NREP: variants seen among roughly 807,000 people sequenced by gnomAD.
NREP encodes the protein neuronal regeneration-related protein.
In NREP, 5 loss-of-function variants were observed where a neutral mutation model predicts 8.6. The observed-to-expected ratio is 0.58, with a 90% CI of 0.30 to 1.22. NREP has a LOEUF of 1.22. Among genes scored for constraint, NREP ranks in the 50% most tolerant of loss-of-function variants. NREP has a pLI of 0.07. For missense variants in NREP, 86 were observed against 82.5 expected (o/e 1.04, Z -0.17); for synonymous variants, 27 against 28.0 (o/e 0.96, Z 0.11).
chr5:111,829,424 T>C (rs1752709286), intron 2 of NREP, among the ~76,000 whole-genome samples: 1 of 152,188 alleles, frequency 6.6e-6, no homozygotes, highest in Admixed American at 6.5e-5. Flanking sequence ...CATAAACATG[T>C]TTCTGCAAGA....
intron 2 of NREP, among the ~76,000 whole-genome samples, chr5:111,849,469 T>G (rs1753258131): frequency 6.6e-6 from 1 of 152,142 alleles, no homozygotes; most frequent in Non-Finnish European, 1.5e-5. Flanking sequence ...TTAAAAGCAC[T>G]GAGGAGCCAA....
intron 2 of NREP, among the ~76,000 whole-genome samples, chr5:111,893,510 A>C (rs1340183913): frequency 6.6e-6 from 1 of 151,826 alleles, no homozygotes; most frequent in Non-Finnish European, 1.5e-5. Flanking sequence ...TTCCAAGCCA[A>C]ATAAAACTAT....
intron 2 of NREP, among the ~76,000 whole-genome samples, chr5:111,923,158 G>A (rs1755293016): frequency 6.6e-6 from 1 of 152,178 alleles, no homozygotes; most frequent in Non-Finnish European, 1.5e-5. Flanking sequence ...TGGTATAAAT[G>A]TTAGCTGTTT....
At chr5:111,753,327 A>AC (rs1750484992) in intron 2 of NREP, among the ~76,000 whole-genome samples, 2 of 43,212 alleles carry the variant, frequency 4.6e-5, no homozygotes, top group Middle Eastern at 0.013. Flanking sequence ...GCACAAGTTG[A>AC]TTTTATATAT....
chr5:111,880,826 TC>T (rs1754038027), intron 2 of NREP, among the ~76,000 whole-genome samples: 1 of 134,642 alleles, frequency 7.4e-6, no homozygotes, highest in Non-Finnish European at 1.5e-5. Flanking sequence ...AGCCTCAACA[TC>T]CCAGGCTCAT....
intron 2 of NREP, among the ~76,000 whole-genome samples, chr5:111,767,468 C>T (rs953841849): frequency 6.6e-5 from 10 of 152,168 alleles, no homozygotes; most frequent in African/African-American, 2.2e-4. Flanking sequence ...CCACAAGCAT[C>T]ATAAACTCAG....
chr5:111,889,830 G>A (rs1754351380), intron 2 of NREP, among the ~76,000 whole-genome samples: 1 of 152,066 alleles, frequency 6.6e-6, no homozygotes, highest in East Asian at 1.9e-4. Context: ...CATAGGATTT[G>A]GGTAGGTAGT....
intron 2 of NREP, among the ~76,000 whole-genome samples, chr5:111,901,969 C>G (rs942973437): frequency 6.6e-6 from 1 of 151,974 alleles, no homozygotes; most frequent in Non-Finnish European, 1.5e-5. Flanking sequence ...CCTATGGAAC[C>G]ACAAAAGACC....
At chr5:111,815,998 A>G (rs1752377341) in intron 2 of NREP, among the ~76,000 whole-genome samples, 1 of 152,192 alleles carries the variant, frequency 6.6e-6, no homozygotes, top group Non-Finnish European at 1.5e-5. Context: ...TTTCAAAGGG[A>G]GCAAAGGTAA....
At chr5:111,906,311 C>G (rs1470054704) in intron 2 of NREP, among the ~76,000 whole-genome samples, 1 of 138,416 alleles carries the variant, frequency 7.2e-6, no homozygotes, top group Non-Finnish European at 1.7e-5. Context: ...TATAGATTCA[C>G]AAAGAAAAAA....
rs1453629613 is a variant in NREP, at chr5:111,961,014, C to T, written c.135+14260G>A. ...TGACATGGTATGGCAAAAGTCCTGG[C>T]TTGGTCATATTTTAGATTTCTGCCC... On this transcript the variant is annotated intron_variant, in intron 2 of 3. Transcript: ENST00000395634. Among the ~76,000 whole-genome samples, 4 of 152,184 alleles carry T rather than the reference C, an allele frequency of 2.6e-5. No individual in the cohort carries two copies. In the East Asian group the frequency reaches 7.7e-4, roughly 29 times the overall value.
At chr5:111,806,988 A>G (rs894399048) in intron 2 of NREP, among the ~76,000 whole-genome samples, 2 of 152,052 alleles carry the variant, frequency 1.3e-5, no homozygotes, top group African/African-American at 4.8e-5. Flanking sequence ...GCTCTTGGCT[A>G]TAGGAAAGGG....
intron 2 of NREP, among the ~76,000 whole-genome samples, chr5:111,737,767 C>T (rs1382766916): frequency 1.3e-5 from 2 of 150,788 alleles, no homozygotes; most frequent in African/African-American, 4.9e-5. Flanking sequence ...TGACTTTTGC[C>T]AAAGAACTTG....
chr5:111,877,683 A>G (rs1344507037), intron 2 of NREP, among the ~76,000 whole-genome samples: 1 of 152,202 alleles, frequency 6.6e-6, no homozygotes, highest in Non-Finnish European at 1.5e-5. Context: ...ACTGTTTGGA[A>G]TCTCCCATTC....
chr5:111,869,669 C>T (rs538605049), intron 2 of NREP, among the ~76,000 whole-genome samples: 1 of 152,114 alleles, frequency 6.6e-6, no homozygotes, highest in Non-Finnish European at 1.5e-5. Flanking sequence ...TGAGGATTCT[C>T]CTGAGGAGAA....
intron 2 of NREP, among the ~76,000 whole-genome samples, chr5:111,971,447 G>A (rs943424287): frequency 3.3e-5 from 5 of 152,092 alleles, no homozygotes; most frequent in South Asian, 2.1e-4. Context: ...TGAAGCTGGA[G>A]GCATCACACT....
At chr5:111,841,897 A>G (rs991137094) in intron 2 of NREP, among the ~76,000 whole-genome samples, 1 of 152,152 alleles carries the variant, frequency 6.6e-6, no homozygotes, top group Non-Finnish European at 1.5e-5. Context: ...GGAAGGCTAG[A>G]GTCCAAGATG....
intron 2 of NREP, among the ~76,000 whole-genome samples, chr5:111,840,903 A>G (rs944818553): frequency 6.6e-6 from 1 of 152,086 alleles, no homozygotes; most frequent in African/African-American, 2.4e-5. Flanking sequence ...AGAGAAAGAG[A>G]TTTGCCTAAT....
chr5:111,817,621 T>C (rs1182581534), intron 2 of NREP, among the ~76,000 whole-genome samples: 1 of 151,928 alleles, frequency 6.6e-6, no homozygotes, highest in Non-Finnish European at 1.5e-5. Flanking sequence ...CTGGCTAACA[T>C]GGTGAAACCT....
Sources: gnomAD v4.1 joint callset for allele counts (sites outside exome capture counted in the v4.1 genomes callset) on GRCh38, gnomAD v4.1.1 for gene constraint, MANE v1.5 for transcripts, NCBI Gene and HGNC (gene_info 2026-07-23, HGNC 2026-07-21) for gene names.